Variants in KAZN observed in about 807,000 individuals in gnomAD.
KAZN encodes kazrin.
A neutral mutation model predicts 87.4 loss-of-function variants in KAZN; 40 were observed. The observed-to-expected ratio is 0.46, with a 90% confidence interval of 0.36 to 0.60. The LOEUF (loss-of-function observed/expected upper bound fraction) is 0.60, where lower values mean the gene tolerates loss of function less well. Ranked by LOEUF, KAZN falls within the 20% of genes least tolerant of loss-of-function variation. The pLI is 0.00. For synonymous variants in KAZN, 466 were observed against 458.3 expected, an observed-to-expected ratio of 1.02 and a Z score of -0.22; for missense variants, 898 against 1,073.9, an observed-to-expected ratio of 0.84 and a Z score of 2.29.
intron 1 of KAZN, among the ~76,000 whole-genome samples, chr1:14,662,245 G>T (rs1639225804): frequency 6.6e-6 from 1 of 152,204 alleles, no homozygotes; most frequent in Admixed American, 6.5e-5. Context: ...TTGAGCGATT[G>T]CCCTGTTACT....
intron 2 of KAZN, among the ~76,000 whole-genome samples, chr1:14,526,504 C>T (rs143658531): frequency 2.6e-5 from 4 of 152,310 alleles, no homozygotes; most frequent in African/African-American, 9.6e-5. Context: ...TTAGTAGCCA[C>T]GTAAGCTACA....
chr1:14,439,240 C>T (rs770442733), intron 2 of KAZN, among the ~76,000 whole-genome samples: 2 of 152,230 alleles, frequency 1.3e-5, no homozygotes, highest in Non-Finnish European at 2.9e-5. Context: ...TCCTCCTTCT[C>T]TTTTGTATTT....
chr1:14,799,341 CT>C (rs1473717378), intron 1 of KAZN, among the ~76,000 whole-genome samples: 3 of 152,198 alleles, frequency 2.0e-5, no homozygotes, highest in East Asian at 1.9e-4. Context: ...GTATTTTCAT[CT>C]CTTCATCCAG....
At chr1:15,092,060 G>GTTTTTTTTTTTTGTTTTTTTTT (rs57460680) in intron 8 of KAZN, among the ~76,000 whole-genome samples, 1 of 114,438 alleles carries the variant, frequency 8.7e-6, no homozygotes, top group Admixed American at 9.4e-5. Flanking sequence ...TTGTTTTTTT[G>GTTTTTTTTTTTTGTTTTTTTTT]TTTTTTTTTT....
intron 1 of KAZN, among the ~76,000 whole-genome samples, chr1:14,950,438 G>C (rs537351205): frequency 6.6e-6 from 1 of 152,222 alleles, no homozygotes; most frequent in South Asian, 2.1e-4. Flanking sequence ...GGCTGGGCCT[G>C]AGAGGGTCAG....
intron 1 of KAZN, among the ~76,000 whole-genome samples, chr1:14,898,729 C>G (rs538455778): frequency 5.3e-5 from 8 of 152,148 alleles, no homozygotes; most frequent in Non-Finnish European, 1.2e-4. Flanking sequence ...TGTGCTGTGG[C>G]ACAGCTTACA....
intron 1 of KAZN, among the ~76,000 whole-genome samples, chr1:14,921,481 A>C (rs1557622831): frequency 1.3e-5 from 2 of 152,194 alleles, no homozygotes; most frequent in Non-Finnish European, 2.9e-5. Context: ...TTCATGTAAA[A>C]ATCCATATTC....
intron 2 of KAZN, among the ~76,000 whole-genome samples, chr1:14,374,340 A>G (rs1366565706): frequency 6.6e-6 from 1 of 152,058 alleles, no homozygotes; most frequent in Non-Finnish European, 1.5e-5. Flanking sequence ...CCTCCAAACT[A>G]TCAGCTGAAT....
intron 1 of KAZN, among the ~76,000 whole-genome samples, chr1:13,962,714 C>T (rs1409722914): frequency 5.9e-5 from 9 of 152,124 alleles, no homozygotes; most frequent in South Asian, 2.1e-4. Context: ...TGCACCACCA[C>T]GCCTGGCTAA....
intron 2 of KAZN, among the ~76,000 whole-genome samples, chr1:14,246,192 G>C (rs750653265): frequency 6.6e-6 from 1 of 152,138 alleles, no homozygotes; most frequent in Non-Finnish European, 1.5e-5. Context: ...TTGGGGATGG[G>C]AGGAGCATCA....
At chr1:14,467,603 A>T (rs1668235112) in intron 2 of KAZN, among the ~76,000 whole-genome samples, 1 of 151,570 alleles carries the variant, frequency 6.6e-6, no homozygotes, top group Non-Finnish European at 1.5e-5. Flanking sequence ...TTTATAATCT[A>T]AGACATAAAT....
chr1:14,377,822 T>C (rs1004544794), intron 2 of KAZN, among the ~76,000 whole-genome samples: 1 of 152,194 alleles, frequency 6.6e-6, no homozygotes, highest in Non-Finnish European at 1.5e-5. Context: ...GCTCATTCTT[T>C]GTGCTCGGAG....
At chr1:13,941,196 C>CAACAAA (rs1640913824) in intron 1 of KAZN, among the ~76,000 whole-genome samples, 1 of 151,972 alleles carries the variant, frequency 6.6e-6, no homozygotes, top group Non-Finnish European at 1.5e-5. Flanking sequence ...TCTAAAACAA[C>CAACAAA]AACAACAACA....
chr1:14,503,164 G>A (rs1440248522), intron 2 of KAZN, among the ~76,000 whole-genome samples: 1 of 151,866 alleles, frequency 6.6e-6, no homozygotes, highest in Non-Finnish European at 1.5e-5. Flanking sequence ...CAATAGCAAC[G>A]CCAATCTCAG....
chr1:13,924,720 C>A (rs1640205234), intron 1 of KAZN, among the ~76,000 whole-genome samples: 1 of 152,216 alleles, frequency 6.6e-6, no homozygotes, highest in Admixed American at 6.5e-5. Flanking sequence ...TTCGAGTTGT[C>A]TCGCCTTTCC....
At chr1:14,547,449 T>C (rs1462794911) in intron 2 of KAZN, among the ~76,000 whole-genome samples, 1 of 152,190 alleles carries the variant, frequency 6.6e-6, no homozygotes, top group Non-Finnish European at 1.5e-5. Flanking sequence ...TCTCCACCTA[T>C]TCAATGGAGG....
intron 1 of KAZN, among the ~76,000 whole-genome samples, chr1:14,102,196 C>G (rs2101647153): frequency 6.6e-6 from 1 of 152,290 alleles, no homozygotes; most frequent in East Asian, 1.9e-4. Context: ...GGAAGACGCC[C>G]TCAGCACACT....
At chr1:14,549,962 A>G (rs1373755480) in intron 2 of KAZN, among the ~76,000 whole-genome samples, 1 of 152,170 alleles carries the variant, frequency 6.6e-6, no homozygotes, top group Non-Finnish European at 1.5e-5. Flanking sequence ...TGTTTGGTAT[A>G]TATTGTCCAA....
intron 2 of KAZN, among the ~76,000 whole-genome samples, chr1:14,969,501 T>C (rs1006339561): frequency 2.0e-5 from 3 of 152,266 alleles, no homozygotes; most frequent in African/African-American, 7.2e-5. Flanking sequence ...GAAGACTCTT[T>C]GCTGGTAAAT....
Sources: allele counts gnomAD v4.1 joint callset (sites outside exome capture counted in the v4.1 genomes callset), GRCh38; gene constraint gnomAD v4.1.1; transcripts MANE v1.5; gene names NCBI Gene and HGNC (gene_info 2026-07-23, HGNC 2026-07-21).